Variants in CCDC191 observed in about 807,000 individuals in gnomAD.
The protein encoded by CCDC191 is coiled-coil domain-containing protein 191.
A neutral mutation model predicts 114.0 loss-of-function variants in CCDC191; 99 were observed. The observed-to-expected ratio is 0.87, with a 90% CI of 0.74 to 1.03. The LOEUF is 1.03. CCDC191 is among the 50% of genes least tolerant of loss of function. The pLI, the probability that CCDC191 is intolerant of heterozygous loss-of-function variation, is 0.00. For synonymous variants in CCDC191, 351 were observed against 376.0 expected (o/e 0.93, Z 0.77); for missense variants, 973 against 1,087.0 (o/e 0.90, Z 1.47).
rs200722327 is a variant in CCDC191, at chr3:114,005,485, G to T, written c.1868+23C>A. The T allele has an allele frequency of 5.1e-6, 8 of 1,579,218 alleles. No homozygotes were observed. In the East Asian group the frequency reaches 1.6e-4, roughly 31 times the overall value. On this transcript the variant is annotated intron_variant, in intron 10 of 16. Transcript: ENST00000295878. ...AAAAACCCCTTAAAATGAGTCCAGCGAGTTCTGATAGAACAGACATACTTC... is the reference window on the plus strand; with the variant it reads ...AAAAACCCCTTAAAATGAGTCCAGCTAGTTCTGATAGAACAGACATACTTC...
chr3:114,007,548 T>C (rs2075992450), intron 9 of CCDC191, among the ~76,000 whole-genome samples: 1 of 152,192 alleles, frequency 6.6e-6, no homozygotes, highest in African/African-American at 2.4e-5. Context: ...CTTTTAAACT[T>C]GGTGGTAATG....
At position 113,992,305 on chromosome 3, in the gene CCDC191, G is replaced by C. The variant is rs546795985; in HGVS notation, c.2163+9290C>G. Among the ~76,000 whole-genome samples the C allele has an allele frequency of 1.1e-4, 16 of 152,270 alleles. No individual in the cohort carries two copies. The East Asian group carries it at 2.3e-3, about 22-fold the overall frequency. ...AGTGAGTAAGCATTCAGCTCCCTCAGCTGTGTAGGCTGCTGCCCAAGAGGC... is the reference window on the plus strand; with the variant it reads ...AGTGAGTAAGCATTCAGCTCCCTCACCTGTGTAGGCTGCTGCCCAAGAGGC... On this transcript the variant is annotated intron_variant, in intron 13 of 16. Transcript: ENST00000295878.
At chr3:114,007,011 GCATTA>G (rs371935406) in intron 9 of CCDC191, among the ~76,000 whole-genome samples, 33 of 152,222 alleles carry the variant, frequency 2.2e-4, no homozygotes, top group African/African-American at 7.7e-4. Context: ...GCAAATATCT[GCATTA>G]CATAAGAATA....
intron 2 of CCDC191, among the ~76,000 whole-genome samples, chr3:114,053,293 C>T (rs2076721331): frequency 6.6e-6 from 1 of 152,144 alleles, no homozygotes; most frequent in South Asian, 2.1e-4. Flanking sequence ...TGAGGAAGGC[C>T]ACCATATCCT....
chr3:113,980,546 G>T, intron 14 of CCDC191, 104 bp downstream of exon 14: 1 of 1,045,586 alleles, frequency 9.6e-7, no homozygotes, highest in Non-Finnish European at 1.3e-6. Flanking sequence ...TATCTTTCTG[G>T]CTTTAAATCA....
At chr3:113,991,258 A>ACC (rs368945475) in intron 13 of CCDC191, among the ~76,000 whole-genome samples, 95 of 113,902 alleles carry the variant, frequency 8.3e-4, no homozygotes, top group African/African-American at 9.9e-4. Context: ...AAACAAACAA[A>ACC]CCCCCCCCCC....
intron 11 of CCDC191, chr3:114,003,896 C>T (rs1321667249): frequency 1.0e-6 from 1 of 985,224 alleles, no homozygotes; most frequent in Admixed American, 6.1e-5. Context: ...CAGTGAAGGA[C>T]TAAGCATATA....
intron 2 of CCDC191, among the ~76,000 whole-genome samples, chr3:114,050,538 C>T (rs573800353): frequency 6.6e-6 from 1 of 152,278 alleles, no homozygotes; most frequent in Non-Finnish European, 1.5e-5. Context: ...CTTAGAGAGG[C>T]ATCTCAAGTT....
At chr3:113,975,228 G>T (rs912636268) in intron 16 of CCDC191, among the ~76,000 whole-genome samples, 2 of 152,118 alleles carry the variant, frequency 1.3e-5, no homozygotes, top group Non-Finnish European at 2.9e-5. Flanking sequence ...AAATTATCCG[G>T]AAGTGATACA....
chr3:114,022,466 T>C (rs1212354340), intron 7 of CCDC191, among the ~76,000 whole-genome samples: 1 of 152,166 alleles, frequency 6.6e-6, no homozygotes, highest in Non-Finnish European at 1.5e-5. Context: ...TTCTCCGTCA[T>C]GGAAAAATAA....
intron 3 of CCDC191, among the ~76,000 whole-genome samples, chr3:114,045,697 G>A (rs934101684): frequency 1.3e-5 from 2 of 151,926 alleles, no homozygotes; most frequent in African/African-American, 2.4e-5. Context: ...CTCTCTGTGG[G>A]GAAGCTCCAG....
At position 113,999,138 on chromosome 3, in the gene CCDC191, G is replaced by A. The variant is rs146522048; in HGVS notation, c.2163+2457C>T. On this transcript the variant is annotated intron_variant, in intron 13 of 16. Coordinates refer to ENST00000295878, the MANE Select transcript of CCDC191 (RefSeq NM_020817.2). ...GTTTCTCTGATAGCCAGGATTCAAG[G>A]GCCCAGGAATCAAGGGATGGAAATG... Among the ~76,000 whole-genome samples, 670 of 152,162 alleles carry A rather than the reference G, an allele frequency of 4.4e-3. 2 individuals carry two copies. Among genetic ancestry groups the A allele is most frequent in the African/African-American group, 0.015 (610 of 41,498 alleles).
rs1939986977 is a variant in CCDC191, at chr3:113,965,158, T to C, written c.2808A>G (p.Glu936=). The C allele has an allele frequency of 6.3e-7, 1 of 1,593,508 alleles. No individual in the cohort carries two copies. Residue 936 remains glutamate (E), a synonymous_variant, in exon 17 of 17, where the codon GAA becomes GAG. Transcript: ENST00000295878. The stretch of plus-strand genomic sequence containing the variant: ...CTAAATATTACACTAATCTGGCTCA[T>C]TCGTTCACCAGACTTGTCTTACTCA... ...WSLSKTSLVN[E] is the part of the protein sequence containing the mutation.
At chr3:114,051,845 A>C (rs1167486377) in intron 2 of CCDC191, among the ~76,000 whole-genome samples, 35 of 152,254 alleles carry the variant, frequency 2.3e-4, no homozygotes. Context: ...AAGACAGAGA[A>C]GTGAACAAGG....
intron 8 of CCDC191, among the ~76,000 whole-genome samples, chr3:114,017,495 A>G (rs1242898823): frequency 1.3e-5 from 2 of 152,214 alleles, no homozygotes; most frequent in Non-Finnish European, 2.9e-5. Flanking sequence ...GGGGCCATGC[A>G]CCAGTCTCCA....
chr3:113,981,562 T>C (rs2075151924), intron 13 of CCDC191, among the ~76,000 whole-genome samples: 1 of 152,216 alleles, frequency 6.6e-6, no homozygotes, highest in African/African-American at 2.4e-5. Flanking sequence ...CAACAAAGAC[T>C]GAAGACTGCT....
intron 13 of CCDC191, among the ~76,000 whole-genome samples, chr3:113,997,342 A>G (rs766593867): frequency 6.6e-6 from 1 of 152,192 alleles, no homozygotes; most frequent in Non-Finnish European, 1.5e-5. Flanking sequence ...ACACAGATGG[A>G]TAGATTCAGA....
At chr3:113,979,628 G>A (rs957606333) in intron 14 of CCDC191, among the ~76,000 whole-genome samples, 1 of 152,154 alleles carries the variant, frequency 6.6e-6, no homozygotes, top group South Asian at 2.1e-4. Context: ...GAGGGGAAAA[G>A]CCTTCTCTCT....
intron 8 of CCDC191, among the ~76,000 whole-genome samples, chr3:114,017,094 A>AGGTTTTTTAACCTT (rs1371708950): frequency 6.6e-6 from 1 of 150,818 alleles, no homozygotes; most frequent in African/African-American, 2.4e-5. Context: ...AAAACCTTCA[A>AGGTTTTTTAACCTT]GGATTCACTT....
Sources: gnomAD v4.1 joint callset for allele counts (sites outside exome capture counted in the v4.1 genomes callset) on GRCh38, gnomAD v4.1.1 for gene constraint, MANE v1.5 for transcripts, NCBI Gene and HGNC (gene_info 2026-07-23, HGNC 2026-07-21) for gene names.